Variants in OLFM2 observed in about 807,000 individuals in gnomAD.
OLFM2 encodes noelin-2.
OLFM2 carries 20 observed loss-of-function variants against 43.9 expected under a neutral mutation model. That is an observed-to-expected ratio of 0.46 (90% CI 0.32 to 0.66). The LOEUF (loss-of-function observed/expected upper bound fraction) is 0.66, where lower values mean the gene tolerates loss of function less well. Ranked by LOEUF, OLFM2 falls within the 30% of genes least tolerant of loss-of-function variation. OLFM2 has a pLI of 0.04. For synonymous variants in OLFM2, 268 were observed against 278.6 expected (o/e 0.96, Z 0.38); for missense variants, 416 against 643.6 (o/e 0.65, Z 3.83).
chr19:9,931,817 CTTTGGT>C (rs2086484577), intron 1 of OLFM2, among the ~76,000 whole-genome samples: 1 of 152,102 alleles, frequency 6.6e-6, no homozygotes, highest in South Asian at 2.1e-4. Context: ...GACCCTCTGG[CTTTGGT>C]CTCCCAAAAT....
At chr19:9,872,763 C>T (rs923624485) in intron 1 of OLFM2, among the ~76,000 whole-genome samples, 6 of 152,048 alleles carry the variant, frequency 3.9e-5, no homozygotes, top group Non-Finnish European at 8.8e-5. Flanking sequence ...TCCATCCATT[C>T]ATTCATCTGC....
At chr19:9,881,943 A>G (rs989993617) in intron 1 of OLFM2, among the ~76,000 whole-genome samples, 1 of 152,176 alleles carries the variant, frequency 6.6e-6, no homozygotes, top group Non-Finnish European at 1.5e-5. Flanking sequence ...TAAGAATTAA[A>G]CATATGGGCT....
intron 1 of OLFM2, among the ~76,000 whole-genome samples, chr19:9,862,331 GA>G (rs2046370521): frequency 6.6e-6 from 1 of 151,990 alleles, no homozygotes; most frequent in African/African-American, 2.4e-5. Context: ...TGAGACAGAA[GA>G]AAAGGAGAAG....
At chr19:9,901,353 A>G (rs983001458) in intron 1 of OLFM2, among the ~76,000 whole-genome samples, 1 of 151,954 alleles carries the variant, frequency 6.6e-6, no homozygotes, top group Admixed American at 6.6e-5. Flanking sequence ...TTGAGCCTGG[A>G]AGGCAGAGGT....
intron 1 of OLFM2, among the ~76,000 whole-genome samples, chr19:9,891,143 G>A (rs907743041): frequency 6.6e-6 from 1 of 151,624 alleles, no homozygotes; most frequent in Non-Finnish European, 1.5e-5. Context: ...GTGAAACCCA[G>A]TCTCTACTAA....
At chr19:9,877,535 AAAAT>A (rs71188850) in intron 1 of OLFM2, among the ~76,000 whole-genome samples, 5,721 of 147,500 alleles carry the variant, frequency 0.039, 133 homozygotes, top group South Asian at 0.087. Flanking sequence ...CTCTGTCTCA[AAAAT>A]AAATAAATAA....
At chr19:9,904,965 G>A (rs530908272) in intron 1 of OLFM2, among the ~76,000 whole-genome samples, 8 of 152,136 alleles carry the variant, frequency 5.3e-5, no homozygotes, top group African/African-American at 1.7e-4. Flanking sequence ...GCTGCAGTGA[G>A]CTATGATCAT....
At chr19:9,900,023 A>T (rs961508374) in intron 1 of OLFM2, among the ~76,000 whole-genome samples, 2 of 152,160 alleles carry the variant, frequency 1.3e-5, no homozygotes, top group African/African-American at 4.8e-5. Context: ...CATAATAAAT[A>T]TCTGTTGACC....
In OLFM2 at chr19:9,857,495, A is replaced by T. The variant is rs964786728; in HGVS notation, c.361-13T>A. 1.2e-6 allele frequency: 2 copies of T among 1,612,558 alleles called. No individual in the cohort carries two copies. The highest frequency in any genetic ancestry group is 2.7e-5 in the African/African-American group (2 of 75,018). ...TGTCCTTCAGCTCCTGTGCATCAAGATGGAACCATGGCCAAGCCTGACCCC... is the reference window on the plus strand; with the variant it reads ...TGTCCTTCAGCTCCTGTGCATCAAGTTGGAACCATGGCCAAGCCTGACCCC... On this transcript the variant is annotated splice_polypyrimidine_tract_variant and intron_variant, in intron 3 of 5. Transcript: ENST00000264833. The surrounding 1 kb of genome is among the most constrained non-coding windows in gnomAD (Gnocchi z 5.7).
At chr19:9,907,443 G>T (rs1599493768) in intron 1 of OLFM2, among the ~76,000 whole-genome samples, 1 of 151,626 alleles carries the variant, frequency 6.6e-6, no homozygotes, top group African/African-American at 2.4e-5. Flanking sequence ...GCCTGGGTGA[G>T]AGCGAGATTC....
At chr19:9,898,825 TC>T (rs2046707796) in intron 1 of OLFM2, among the ~76,000 whole-genome samples, 1 of 152,272 alleles carries the variant, frequency 6.6e-6, no homozygotes, top group Admixed American at 6.5e-5. Context: ...TGCTCACCAT[TC>T]CAGCTACCAC....
chr19:9,884,961 T>C (rs2046573925), intron 1 of OLFM2, among the ~76,000 whole-genome samples: 1 of 152,182 alleles, frequency 6.6e-6, no homozygotes, highest in Non-Finnish European at 1.5e-5. Context: ...CAACACCCTC[T>C]GTCTGCTCTC....
At chr19:9,932,475 AGAAAG>A (rs1167954051) in intron 1 of OLFM2, among the ~76,000 whole-genome samples, 1 of 151,546 alleles carries the variant, frequency 6.6e-6, no homozygotes, top group Non-Finnish European at 1.5e-5. Context: ...AAAAAAAGAA[AGAAAG>A]AGAGAGAAAG....
chr19:9,870,698 A>T (rs961988124), intron 1 of OLFM2, among the ~76,000 whole-genome samples: 2 of 149,768 alleles, frequency 1.3e-5, no homozygotes, highest in African/African-American at 2.5e-5. Context: ...ACTCTTCCCC[A>T]TCCCCGGGGC....
intron 1 of OLFM2, among the ~76,000 whole-genome samples, chr19:9,890,746 A>C (rs930494333): frequency 2.6e-5 from 4 of 152,020 alleles, no homozygotes; most frequent in Admixed American, 2.6e-4. Flanking sequence ...TGAGGCCAGG[A>C]GTTTGAGAAC....
At chr19:9,888,450 G>GC (rs1343975370) in intron 1 of OLFM2, among the ~76,000 whole-genome samples, 10 of 150,942 alleles carry the variant, frequency 6.6e-5, no homozygotes, top group Middle Eastern at 3.4e-3. Context: ...CTTGAGCCTG[G>GC]GGGGCGGAGG....
At chr19:9,907,902 G>T (rs2046797400) in intron 1 of OLFM2, among the ~76,000 whole-genome samples, 1 of 152,068 alleles carries the variant, frequency 6.6e-6, no homozygotes, top group Admixed American at 6.6e-5. Context: ...CTACTTGGGA[G>T]GCTGAGGCAG....
intron 1 of OLFM2, among the ~76,000 whole-genome samples, chr19:9,919,930 G>A (rs1392128612): frequency 6.6e-6 from 1 of 151,540 alleles, no homozygotes; most frequent in East Asian, 1.9e-4. Context: ...GAGTAGCTGG[G>A]ATTACAGGGG....
At chr19:9,882,546 GAATTA>G (rs1404027806) in intron 1 of OLFM2, among the ~76,000 whole-genome samples, 2 of 132,536 alleles carry the variant, frequency 1.5e-5, no homozygotes, top group South Asian at 2.4e-4. Context: ...TCAAAAAAAA[GAATTA>G]AATACATGAA....
Sources: allele counts gnomAD v4.1 joint callset (sites outside exome capture counted in the v4.1 genomes callset), GRCh38; gene constraint gnomAD v4.1.1; non-coding constraint Gnocchi (gnomAD v3.1); transcripts MANE v1.5; gene names NCBI Gene and HGNC (gene_info 2026-07-23, HGNC 2026-07-21).